RSPRY1: variants seen among roughly 807,000 people sequenced by gnomAD.
The protein encoded by RSPRY1 is ring finger and SPRY domain containing 1.
RSPRY1 carries 23 observed loss-of-function variants against 73.1 expected under a neutral mutation model. The observed-to-expected ratio is 0.31, with a 90% CI of 0.23 to 0.45. RSPRY1 has a LOEUF of 0.45. Ranked by LOEUF, RSPRY1 falls within the 20% of genes least tolerant of loss-of-function variation. RSPRY1 has a pLI of 1.00. For synonymous variants in RSPRY1, 226 were observed against 251.4 expected, an observed-to-expected ratio of 0.90 and a Z score of 0.95; for missense variants, 448 against 698.7, an observed-to-expected ratio of 0.64 and a Z score of 4.05.
chr16:57,210,500 C>T (rs947099447), intron 4 of RSPRY1, among the ~76,000 whole-genome samples: 2 of 151,910 alleles, frequency 1.3e-5, no homozygotes, highest in African/African-American at 2.4e-5. Context: ...GTCAGGAGTT[C>T]GAGACCAGCC....
At chr16:57,202,295 T>TGGC (rs1173254126) in intron 1 of RSPRY1, among the ~76,000 whole-genome samples, 2 of 152,210 alleles carry the variant, frequency 1.3e-5, no homozygotes, top group African/African-American at 4.8e-5. Context: ...ACTTCCAAGA[T>TGGC]GGCGGCAAGC....
chr16:57,213,241 A>G, intron 5 of RSPRY1, 143 bp downstream of exon 5: 1 of 727,192 alleles, frequency 1.4e-6, no homozygotes, highest in East Asian at 3.1e-5. Context: ...TAACTGGAAG[A>G]AAATTACTGA....
At chr16:57,234,974 G>C (rs1394455630) in intron 13 of RSPRY1, 150 bp from the exon 14 acceptor site, 1 of 602,304 alleles carries the variant, frequency 1.7e-6, no homozygotes, top group Non-Finnish European at 3.0e-6. Flanking sequence ...TTGTAGGATT[G>C]AAAGGAGATG....
intron 11 of RSPRY1, among the ~76,000 whole-genome samples, chr16:57,229,354 C>G (rs1434211234): frequency 3.3e-5 from 5 of 152,292 alleles, no homozygotes; most frequent in Middle Eastern, 3.4e-3. Flanking sequence ...TTAATCCCAG[C>G]ACTTTTGGAG....
chr16:57,201,281 C>G (rs1170168931), intron 1 of RSPRY1, among the ~76,000 whole-genome samples: 1 of 150,530 alleles, frequency 6.6e-6, no homozygotes, highest in African/African-American at 2.5e-5. Flanking sequence ...ACTTCTCAGA[C>G]GGGGCGGTTG....
chr16:57,240,110 CA>C lies in RSPRY1; in HGVS notation c.*1136del, dbSNP rs1177397412. On this transcript the variant is annotated 3_prime_UTR_variant, in exon 15 of 15. Coordinates refer to ENST00000394420, the MANE Select transcript of RSPRY1 (RefSeq NM_133368.3). ...CTTCTTTTATAATGGTGTACCTCAG[CA>C]GCTGCCTTTCAATTTATGCCAAGTC... 1.3e-5 allele frequency: 2 copies of C among 152,100 alleles called. No homozygotes were observed. The highest frequency in any genetic ancestry group is 3.8e-4 in the East Asian group (2 of 5,200). The allele number at this position is 152,100 out of a possible 1,614,324, so 9.4% of individuals were successfully genotyped here.
intron 4 of RSPRY1, among the ~76,000 whole-genome samples, chr16:57,209,840 A>G (rs1462848752): frequency 6.7e-6 from 1 of 149,196 alleles, no homozygotes; most frequent in African/African-American, 2.5e-5. Context: ...ATGTCTGGCT[A>G]ATTTTGTATT....
At chr16:57,208,728 A>G (rs1315736568) in intron 3 of RSPRY1, among the ~76,000 whole-genome samples, 2 of 152,086 alleles carry the variant, frequency 1.3e-5, no homozygotes, top group Non-Finnish European at 1.5e-5. Flanking sequence ...TTAGTTTCCT[A>G]AGTATCATTC....
intron 1 of RSPRY1, among the ~76,000 whole-genome samples, chr16:57,197,780 A>T (rs750293863): frequency 6.6e-6 from 1 of 152,104 alleles, no homozygotes; most frequent in Non-Finnish European, 1.5e-5. Context: ...CTGGAATGCA[A>T]TGACACCATT....
chr16:57,217,524 A>T (rs1023815962), intron 8 of RSPRY1, among the ~76,000 whole-genome samples: 1 of 152,180 alleles, frequency 6.6e-6, no homozygotes, highest in Non-Finnish European at 1.5e-5. Flanking sequence ...TGGGACAAAA[A>T]CTACTATAGG....
chr16:57,195,314 C>T lies in RSPRY1; in HGVS notation c.-156+8863C>T, dbSNP rs57872505. Among the ~76,000 whole-genome samples, 1,110 of 152,086 alleles carry T rather than the reference C, an allele frequency of 7.3e-3. 12 individuals are homozygous for T. Among genetic ancestry groups the T allele is most frequent in the African/African-American group, 0.026 (1,070 of 41,498 alleles). ...ATCACCTGAGATCAGGAGTTCAAGA[C>T]CAGCCTGGTGAACATGGTGAAACCC... On this transcript the variant is annotated intron_variant, in intron 1 of 14. Coordinates refer to ENST00000394420, the MANE Select transcript of RSPRY1 (RefSeq NM_133368.3).
At chr16:57,203,707 C>T (rs1393699735) in intron 1 of RSPRY1, among the ~76,000 whole-genome samples, 1 of 152,192 alleles carries the variant, frequency 6.6e-6, no homozygotes, top group Non-Finnish European at 1.5e-5. Context: ...CCTTACTCAT[C>T]TTTATTCTCC....
chr16:57,228,915 A>G (rs1326935793), intron 11 of RSPRY1, among the ~76,000 whole-genome samples: 1 of 152,160 alleles, frequency 6.6e-6, no homozygotes, highest in Non-Finnish European at 1.5e-5. Context: ...GGCTAGTCTC[A>G]AACTTCTGGG....
intron 11 of RSPRY1, among the ~76,000 whole-genome samples, chr16:57,228,403 G>A (rs879830078): frequency 2.0e-5 from 3 of 151,784 alleles, no homozygotes; most frequent in Admixed American, 1.3e-4. Flanking sequence ...TTAATGGCTT[G>A]CAGGTTCTTG....
At chr16:57,230,973 A>G (rs2075209904) in intron 12 of RSPRY1, among the ~76,000 whole-genome samples, 160 bp downstream of exon 12, 1 of 152,226 alleles carries the variant, frequency 6.6e-6, no homozygotes, top group Non-Finnish European at 1.5e-5. Flanking sequence ...AAACTATCCC[A>G]AAGTTTGATA....
chr16:57,205,669 G>T (rs1261767524), intron 2 of RSPRY1, among the ~76,000 whole-genome samples: 3 of 152,190 alleles, frequency 2.0e-5, no homozygotes, highest in Non-Finnish European at 4.4e-5. Context: ...GTATATTTCA[G>T]TAGTTAAGAG....
chr16:57,196,095 C>G (rs1328403389), intron 1 of RSPRY1, among the ~76,000 whole-genome samples: 2 of 150,798 alleles, frequency 1.3e-5, no homozygotes, highest in Non-Finnish European at 2.9e-5. Context: ...TCATCTTACT[C>G]ATTTTCTATT....
At chr16:57,201,012 G>C (rs1286614523) in intron 1 of RSPRY1, among the ~76,000 whole-genome samples, 5 of 144,244 alleles carry the variant, frequency 3.5e-5, no homozygotes, top group African/African-American at 1.3e-4. Context: ...GCGGGGGGCT[G>C]ACCCCCCCAC....
At position 57,238,958 on chromosome 16, in the gene RSPRY1, AT is replaced by A; in HGVS notation, c.1717del (p.Ser573LeufsTer32). 1 of 1,594,910 alleles carries A rather than the reference AT, an allele frequency of 6.3e-7. No homozygotes were observed. The highest frequency in any genetic ancestry group is 8.6e-7 in the Non-Finnish European group (1 of 1,165,708). On this transcript the variant is annotated frameshift_variant, in exon 15 of 15. Transcript: ENST00000394420. LOFTEE classifies it high-confidence loss of function. ...AGAAATAGTATCTAGAATCAGACAG[AT>A]TTCTCATATTTCATGACACATGTGA... ...RKEIVSRIRQ[I>X]SHIS
Sources: allele counts gnomAD v4.1 joint callset (sites outside exome capture counted in the v4.1 genomes callset), GRCh38; gene constraint gnomAD v4.1.1; transcripts MANE v1.5; gene names NCBI Gene and HGNC (gene_info 2026-07-23, HGNC 2026-07-21).